Variants in GOLPH3 observed in about 807,000 individuals in gnomAD.
GOLPH3 encodes the protein coat protein GPP34.
A neutral mutation model predicts 28.5 loss-of-function variants in GOLPH3; 14 were observed. That is an observed-to-expected ratio of 0.49 (90% confidence interval 0.32 to 0.77). The LOEUF is 0.77. GOLPH3 is among the 30% of genes least tolerant of loss of function. The pLI is 0.03. For synonymous variants in GOLPH3, 158 were observed against 159.2 expected, an observed-to-expected ratio of 0.99 and a Z score of 0.06; for missense variants, 350 against 393.7, an observed-to-expected ratio of 0.89 and a Z score of 0.94.
At chr5:32,142,680 C>CG (rs1746100633) in intron 2 of GOLPH3, among the ~76,000 whole-genome samples, 4 of 147,474 alleles carry the variant, frequency 2.7e-5, no homozygotes, top group African/African-American at 7.6e-5. Context: ...CGGCCAGCCG[C>CG]CCCGTCCGGG....
chr5:32,137,909 G>GTTTT (rs397997289), intron 2 of GOLPH3, among the ~76,000 whole-genome samples: 1 of 143,132 alleles, frequency 7.0e-6, no homozygotes, highest in African/African-American at 2.6e-5. Context: ...GGTTTTTTTT[G>GTTTT]TTTTTTTTTT....
At chr5:32,129,896 C>T (rs529412030) in intron 3 of GOLPH3, among the ~76,000 whole-genome samples, 31 of 151,720 alleles carry the variant, frequency 2.0e-4, no homozygotes, top group African/African-American at 7.0e-4. Flanking sequence ...GGCTGGAGTG[C>T]GGTGGTGTGA....
At chr5:32,173,705 G>C in intron 1 of GOLPH3, 105 bp downstream of exon 1, 1 of 779,856 alleles carries the variant, frequency 1.3e-6, no homozygotes, top group Non-Finnish European at 1.7e-6. Flanking sequence ...GCGAGGGCAG[G>C]TGCGCGGGCC....
intron 1 of GOLPH3, among the ~76,000 whole-genome samples, chr5:32,146,872 T>C (rs1306428231): frequency 6.6e-6 from 1 of 151,214 alleles, no homozygotes; most frequent in East Asian, 1.9e-4. Flanking sequence ...GGCCCACACA[T>C]AAAATATACT....
At chr5:32,173,668 T>C (rs73752829) in intron 1 of GOLPH3, 142 bp downstream of exon 1, 4 of 495,164 alleles carry the variant, frequency 8.1e-6, no homozygotes, top group South Asian at 7.6e-5. Context: ...CGGCGTCAGC[T>C]GGGCGCCACC....
chr5:32,137,182 C>A (rs2111845691), intron 2 of GOLPH3, among the ~76,000 whole-genome samples: 1 of 151,530 alleles, frequency 6.6e-6, no homozygotes, highest in East Asian at 2.0e-4. Flanking sequence ...TGGTCTCAAA[C>A]TCCCGACCTC....
chr5:32,150,255 T>C (rs1163383407), intron 1 of GOLPH3, among the ~76,000 whole-genome samples: 3 of 152,008 alleles, frequency 2.0e-5, no homozygotes, highest in South Asian at 2.1e-4. Context: ...TTAAAGTCTC[T>C]TGAAAGACTT....
rs201528394 is a variant in GOLPH3 at position 32,162,416 on chromosome 5, CG to C, written c.225+11393del. ...CTGAGGCAGGAGAATGGCATGAACC[CG>C]GGAGGCGGAGCTTGCGGTGAGCAGA... On this transcript the variant is annotated intron_variant, in intron 1 of 3. Coordinates refer to ENST00000265070, the MANE Select transcript of GOLPH3 (RefSeq NM_022130.4). 6.8e-3 allele frequency among the ~76,000 whole-genome samples: 988 copies of C among 145,386 alleles called. 44 individuals carry two copies. The highest frequency in any genetic ancestry group is 0.025 in the African/African-American group (906 of 35,602).
intron 1 of GOLPH3, among the ~76,000 whole-genome samples, chr5:32,152,763 G>A (rs1470801360): frequency 6.7e-6 from 1 of 149,944 alleles, no homozygotes; most frequent in Non-Finnish European, 1.5e-5. Flanking sequence ...ACCTGGGCAA[G>A]AGAGTGAGAC....
chr5:32,160,240 A>G (rs905028800), intron 1 of GOLPH3, among the ~76,000 whole-genome samples: 13 of 152,140 alleles, frequency 8.5e-5, no homozygotes, highest in Admixed American at 8.5e-4. Flanking sequence ...TTTGTTTAAT[A>G]TACATTTTTA....
intron 1 of GOLPH3, among the ~76,000 whole-genome samples, chr5:32,172,199 A>G (rs1370385133): frequency 6.6e-6 from 1 of 152,152 alleles, no homozygotes; most frequent in Non-Finnish European, 1.5e-5. Context: ...AAACCTGAGA[A>G]ATGGGAAACC....
Position 32,174,049 on chromosome 5 carries a change from C to T in GOLPH3, c.-15G>A. Reference sequence around the variant, plus strand: ...AGCGAGGTCATGGCTCCCGCCGAGGCGCCGAGCCGGGCCGAGAGGGTCGCA... The same window carrying T: ...AGCGAGGTCATGGCTCCCGCCGAGGTGCCGAGCCGGGCCGAGAGGGTCGCA... On this transcript the variant is annotated 5_prime_UTR_variant, in exon 1 of 4. Coordinates refer to ENST00000265070, the MANE Select transcript of GOLPH3 (RefSeq NM_022130.4). 2 of 1,272,242 alleles carry T rather than the reference C, an allele frequency of 1.6e-6. No homozygotes were observed. The highest frequency in any genetic ancestry group is 5.8e-5 in the South Asian group (2 of 34,240). The allele number at this position is 1,272,242 out of a possible 1,614,324, so 78.8% of individuals were successfully genotyped here. A position where few individuals can be genotyped will look rare whatever the true frequency, so the allele number is the denominator to read the frequency against.
intron 2 of GOLPH3, among the ~76,000 whole-genome samples, chr5:32,136,444 G>A (rs1166571395): frequency 1.3e-5 from 2 of 150,352 alleles, no homozygotes; most frequent in East Asian, 3.9e-4. Context: ...TTGTGCCACT[G>A]CATTCCAGAC....
At chr5:32,140,372 G>A (rs550529551) in intron 2 of GOLPH3, among the ~76,000 whole-genome samples, 3 of 152,146 alleles carry the variant, frequency 2.0e-5, no homozygotes, top group South Asian at 4.2e-4. Context: ...AATTAGCCAG[G>A]AGGCTGGGCA....
intron 1 of GOLPH3, among the ~76,000 whole-genome samples, chr5:32,144,367 G>A (rs539846070): frequency 2.0e-5 from 3 of 152,300 alleles, no homozygotes; most frequent in East Asian, 1.9e-4. Flanking sequence ...GAGCCAAGAC[G>A]ATGGCTTGAG....
chr5:32,169,675 G>A (rs572484315), intron 1 of GOLPH3, among the ~76,000 whole-genome samples: 2 of 152,238 alleles, frequency 1.3e-5, no homozygotes, highest in South Asian at 4.1e-4. Flanking sequence ...AGCATCTATA[G>A]AATAAACACA....
intron 2 of GOLPH3, among the ~76,000 whole-genome samples, chr5:32,140,684 A>T (rs1581542071): frequency 6.6e-6 from 1 of 150,678 alleles, no homozygotes; most frequent in Non-Finnish European, 1.5e-5. Flanking sequence ...AAAAAAAATT[A>T]GCCAGACATG....
Position 32,158,127 on chromosome 5 carries a change from TAAAATACAC to T in GOLPH3, c.226-14256_226-14248del, listed in dbSNP as rs879824522. Among the ~76,000 whole-genome samples the T allele has an allele frequency of 8.5e-3, 270 of 31,686 alleles. 5 individuals carry two copies. Among genetic ancestry groups the T allele is most frequent in the Middle Eastern group, 0.016 (1 of 62 alleles). The allele number at this position is 31,686 out of a possible 152,430, so 20.8% of individuals were successfully genotyped here. ...ATAAATAAATAAATAAATAAATAAA[TAAAATACAC>T]ACACACACACACACACACACACACA... On this transcript the variant is annotated intron_variant, in intron 1 of 3. Coordinates refer to ENST00000265070, the MANE Select transcript of GOLPH3 (RefSeq NM_022130.4).
intron 1 of GOLPH3, among the ~76,000 whole-genome samples, chr5:32,162,283 G>T (rs1473675490): frequency 6.6e-6 from 1 of 150,860 alleles, no homozygotes; most frequent in East Asian, 1.9e-4. Flanking sequence ...ACGAGGTCAG[G>T]AGATAGAGAC....
Sources: gnomAD v4.1 joint callset for allele counts (sites outside exome capture counted in the v4.1 genomes callset) on GRCh38, gnomAD v4.1.1 for gene constraint, MANE v1.5 for transcripts, NCBI Gene and HGNC (gene_info 2026-07-23, HGNC 2026-07-21) for gene names.